The following DENND2B variants were observed in gnomAD, a reference collection of about 807,000 sequenced individuals.
DENND2B encodes the protein DENN domain containing 2B, also known as DENN domain-containing protein 2B.
DENND2B carries 32 observed loss-of-function variants against 116.0 expected under a neutral mutation model. The ratio of observed to expected loss-of-function variants is 0.28; its 90% CI spans 0.21 to 0.37. DENND2B has a LOEUF of 0.37. DENND2B is among the 10% of genes least tolerant of loss of function. The pLI is 1.00. For missense variants in DENND2B, 1,276 were observed against 1,477.7 expected, an observed-to-expected ratio of 0.86 and a Z score of 2.24; for synonymous variants, 588 against 583.9, an observed-to-expected ratio of 1.01 and a Z score of -0.10.
chr11:8,812,732 G>A (rs548889628), upstream of DENND2B, among the ~76,000 whole-genome samples: 10 of 152,272 alleles, frequency 6.6e-5, 1 homozygote, highest in South Asian at 1.0e-3. Context: ...TGACAGGGCT[G>A]GGACTGAGCA....
chr11:8,704,457 A>G (rs887875000), intron 13 of DENND2B, among the ~76,000 whole-genome samples: 6 of 152,240 alleles, frequency 3.9e-5, no homozygotes, highest in Non-Finnish European at 8.8e-5. Flanking sequence ...ATGCTGCGCT[A>G]TAAGGGAAGG....
intron 17 of DENND2B, among the ~76,000 whole-genome samples, 166 bp from the exon 18 acceptor site, chr11:8,696,832 A>G (rs1308903184): frequency 2.0e-5 from 3 of 152,210 alleles, no homozygotes; most frequent in African/African-American, 7.2e-5. Flanking sequence ...TGCCCAAGTT[A>G]GAGTGCAATG....
chr11:8,812,320 C>T (rs1034986531), upstream of DENND2B, among the ~76,000 whole-genome samples: 1 of 152,134 alleles, frequency 6.6e-6, no homozygotes, highest in Admixed American at 6.5e-5. Flanking sequence ...CTTAAGACAG[C>T]ATCTCTAAGA....
chr11:8,788,422 C>T (rs1406348241), intron 1 of DENND2B, among the ~76,000 whole-genome samples: 1 of 152,194 alleles, frequency 6.6e-6, no homozygotes, highest in African/African-American at 2.4e-5. Flanking sequence ...TCCAACAGAG[C>T]ACAATACATT....
chr11:8,731,316 G>A, intron 2 of DENND2B, 107 bp from the exon 3 acceptor site: 1 of 1,106,450 alleles, frequency 9.0e-7, no homozygotes, highest in Non-Finnish European at 1.3e-6. Context: ...CTTTTTCCTG[G>A]AGGACTCTCA....
chr11:8,828,846 G>A (rs915843692), intron 4 of DENND2B, among the ~76,000 whole-genome samples: 2 of 152,142 alleles, frequency 1.3e-5, no homozygotes, highest in African/African-American at 2.4e-5. Flanking sequence ...AGACAAGAGC[G>A]GGGAGCAGAG....
intron 1 of DENND2B, among the ~76,000 whole-genome samples, chr11:8,884,699 T>C (rs2063941870): frequency 6.6e-6 from 1 of 152,168 alleles, no homozygotes; most frequent in South Asian, 2.1e-4. Flanking sequence ...AAGATAACTC[T>C]TCATGCATGG....
chr11:8,839,999 G>GT (rs1342414309), intron 3 of DENND2B, among the ~76,000 whole-genome samples: 2 of 151,760 alleles, frequency 1.3e-5, no homozygotes, highest in Admixed American at 6.6e-5. Context: ...GAGTTTTGGG[G>GT]TTTTTTTTCA....
At chr11:8,807,777 G>C (rs2061005011) in intron 1 of DENND2B, 1 of 152,184 alleles carries the variant, frequency 6.6e-6, no homozygotes, top group Non-Finnish European at 1.5e-5. Context: ...TCTCCTTCAG[G>C]CCTTAGAGGC....
At chr11:8,754,364 A>C (rs1415815360) in intron 1 of DENND2B, among the ~76,000 whole-genome samples, 1 of 152,212 alleles carries the variant, frequency 6.6e-6, no homozygotes, top group Non-Finnish European at 1.5e-5. Context: ...TCAAAACCAC[A>C]TGAGATATTA....
At chr11:8,713,678 C>A (rs2044200684) in intron 8 of DENND2B, among the ~76,000 whole-genome samples, 2 of 152,210 alleles carry the variant, frequency 1.3e-5, no homozygotes, top group African/African-American at 4.8e-5. Context: ...CCGCGCCCGG[C>A]TGAGATCTAC....
chr11:8,757,995 G>A (rs747556872), intron 1 of DENND2B, among the ~76,000 whole-genome samples: 6 of 152,196 alleles, frequency 3.9e-5, no homozygotes, highest in Non-Finnish European at 7.3e-5. Context: ...TGTAGACCCA[G>A]CTCTGTCTCA....
chr11:8,777,289 G>A (rs1427118818), intron 1 of DENND2B, among the ~76,000 whole-genome samples: 2 of 152,152 alleles, frequency 1.3e-5, no homozygotes, highest in Non-Finnish European at 2.9e-5. Flanking sequence ...GTAAAAAAGA[G>A]ATCCTAAGAC....
chr11:8,796,861 C>T (rs977531081), intron 1 of DENND2B, among the ~76,000 whole-genome samples: 3 of 152,074 alleles, frequency 2.0e-5, no homozygotes, highest in Admixed American at 6.5e-5. Flanking sequence ...TAACTGCTTC[C>T]AAGTCTTGCC....
At chr11:8,752,190 C>T (rs192719967) in intron 1 of DENND2B, among the ~76,000 whole-genome samples, 60 of 152,302 alleles carry the variant, frequency 3.9e-4, no homozygotes, top group South Asian at 2.1e-3. Context: ...TGGTGGCTCA[C>T]GCCTGTAATC....
intron 3 of DENND2B, 37 bp downstream of exon 3, chr11:8,729,913 G>A: frequency 6.2e-7 from 1 of 1,602,738 alleles, no homozygotes; most frequent in Non-Finnish European, 8.5e-7. Context: ...GAAAGCCACG[G>A]TATTCAGCTA....
rs1565658498 is a variant in DENND2B, at chr11:8,707,684, C to A, written c.2430+93G>T. Reference sequence around the variant, plus strand: ...ATTCTGTCTCCCGCTCGCTCACAGTCACAGGTGGTTTTCTCATCTAAGCTG... The same window carrying A: ...ATTCTGTCTCCCGCTCGCTCACAGTAACAGGTGGTTTTCTCATCTAAGCTG... On this transcript the variant is annotated intron_variant, in intron 12 of 19. Coordinates refer to ENST00000313726, the MANE Select transcript of DENND2B (RefSeq NM_213618.2). This position sits in a 1 kb window ranked among gnomAD's most constrained non-coding sequence, Gnocchi z 4.8. 8.0e-7 allele frequency: 1 copy of A among 1,245,382 alleles called. No homozygotes were observed. 77.1% of individuals were successfully genotyped at this position (1,245,382 alleles called of 1,614,324 possible). A position where few individuals can be genotyped will look rare whatever the true frequency, so the allele number is the denominator to read the frequency against.
At chr11:8,711,380 G>A (rs2043649474) in intron 9 of DENND2B, 149 bp from the exon 10 acceptor site, 1 of 652,122 alleles carries the variant, frequency 1.5e-6, no homozygotes, top group Non-Finnish European at 2.7e-6. Flanking sequence ...TTCTTACAGA[G>A]CCCAGAGTCA....
chr11:8,727,360 C>T (rs546492690), intron 3 of DENND2B, among the ~76,000 whole-genome samples: 1 of 152,282 alleles, frequency 6.6e-6, no homozygotes, highest in Non-Finnish European at 1.5e-5. Context: ...GCCCCTGCCC[C>T]GCCCCAAGCA....
Sources: gnomAD v4.1 joint callset for allele counts (sites outside exome capture counted in the v4.1 genomes callset) on GRCh38, gnomAD v4.1.1 for gene constraint, Gnocchi (gnomAD v3.1) non-coding constraint, MANE v1.5 for transcripts, NCBI Gene and HGNC (gene_info 2026-07-23, HGNC 2026-07-21) for gene names.